The following ODAD3 variants were observed in gnomAD, a reference collection of about 807,000 sequenced individuals.
ODAD3 encodes outer dynein arm-docking complex subunit 3.
In ODAD3, 57 loss-of-function variants were observed where a neutral mutation model predicts 70.9. That is an observed-to-expected ratio of 0.80 (90% CI 0.65 to 1.00). ODAD3 has a LOEUF of 1.00. Ranked by LOEUF, ODAD3 falls within the 50% of genes least tolerant of loss-of-function variation. The probability of loss-of-function intolerance (pLI) is 0.00; values close to 1 mark genes in which losing one functional copy is unlikely to be tolerated. For missense variants in ODAD3, 797 were observed against 763.9 expected (o/e 1.04, Z -0.51); for synonymous variants, 327 against 315.9 (o/e 1.04, Z -0.37).
intron 7 of ODAD3, among the ~76,000 whole-genome samples, chr19:11,425,324 T>TAC: frequency 7.1e-6 from 1 of 140,374 alleles, no homozygotes; most frequent in African/African-American, 2.8e-5. Context: ...TATGTGTATA[T>TAC]GTACATATGT....
chr19:11,425,013 GTA>G lies in ODAD3; in HGVS notation c.964-986_964-985del, dbSNP rs775462749. Among the ~76,000 whole-genome samples, 19 of 129,552 alleles carry G rather than the reference GTA, an allele frequency of 1.5e-4. 1 individual carries two copies. The highest frequency in any genetic ancestry group is 2.5e-4 in the Non-Finnish European group (16 of 64,274). The allele number at this position is 129,552 out of a possible 152,430, so 85.0% of individuals were successfully genotyped here. ...TACATATGTGTATATGTATATATGT[GTA>G]TATATACATATGTGCATATATACAT... On this transcript the variant is annotated intron_variant, in intron 7 of 12. Transcript: ENST00000356392.
intron 7 of ODAD3, among the ~76,000 whole-genome samples, chr19:11,425,399 A>G (rs775972077): frequency 6.0e-5 from 8 of 132,284 alleles, no homozygotes; most frequent in East Asian, 2.2e-4. Context: ...ATATGTGTAT[A>G]TGTATATATA....
In ODAD3 at chr19:11,422,424, T is replaced by A; in HGVS notation, c.1434+47A>T. On this transcript the variant is annotated intron_variant, in intron 10 of 12. Coordinates refer to ENST00000356392, the MANE Select transcript of ODAD3 (RefSeq NM_145045.5). This position sits in a 1 kb window ranked among gnomAD's most constrained non-coding sequence, Gnocchi z 4.6. ...GAACCCCGCTTCGTGGCTGCGCCTC[T>A]GCGGTCCCAGGAGGGCCTGTCGGGG... The A allele has an allele frequency of 1.3e-6, 2 of 1,485,678 alleles. No homozygotes were observed. The highest frequency in any genetic ancestry group is 2.7e-5 in the South Asian group (2 of 74,440). The allele number at this position is 1,485,678 out of a possible 1,614,324, so 92.0% of individuals were successfully genotyped here. A position where few individuals can be genotyped will look rare whatever the true frequency, so the allele number is the denominator to read the frequency against.
intron 3 of ODAD3, among the ~76,000 whole-genome samples, chr19:11,429,417 G>C (rs1397335756): frequency 1.3e-5 from 2 of 151,362 alleles, no homozygotes; most frequent in African/African-American, 4.9e-5. Context: ...TTTTATTTAT[G>C]TATTTATTTT....
chr19:11,423,247 G>C (rs931051316), intron 8 of ODAD3, among the ~76,000 whole-genome samples: 1 of 152,186 alleles, frequency 6.6e-6, no homozygotes, highest in African/African-American at 2.4e-5. Context: ...ATCTGGAAAG[G>C]GGCTGCGCCT....
intron 4 of ODAD3, 42 bp from the exon 5 acceptor site, chr19:11,426,826 AT>A: frequency 1.7e-5 from 28 of 1,613,016 alleles, no homozygotes; most frequent in Non-Finnish European, 2.3e-5. Flanking sequence ...TCCGCACTCA[AT>A]CCCTCCCACA....
At chr19:11,428,328 G>A (rs561876513) in intron 3 of ODAD3, among the ~76,000 whole-genome samples, 2 of 151,694 alleles carry the variant, frequency 1.3e-5, no homozygotes, top group Admixed American at 6.6e-5. Context: ...TGCAACCTCC[G>A]CCCCTTGAGC....
chr19:11,435,168 G>C, upstream of ODAD3: 1 of 1,432,814 alleles, frequency 7.0e-7, no homozygotes, highest in Non-Finnish European at 9.1e-7. Flanking sequence ...TCGGTTGCCA[G>C]GTAACCGCCT....
chr19:11,435,017 G>A lies in ODAD3; in HGVS notation c.-1C>T, dbSNP rs749390876. 3.1e-6 allele frequency: 5 copies of A among 1,609,362 alleles called. No homozygotes were observed. The Admixed American group carries it at 6.7e-5, about 21-fold the overall frequency. ...CCGCCCTGCACAGAGGAGATGTCAT[G>A]ATGGGGTTGGGGCTGAAGGCCCCTA... On this transcript the variant is annotated 5_prime_UTR_variant, in exon 1 of 13. Coordinates refer to ENST00000356392, the MANE Select transcript of ODAD3 (RefSeq NM_145045.5).
chr19:11,426,978 G>T lies in ODAD3; in HGVS notation c.507C>A (p.His169Gln). 6.2e-7 allele frequency: 1 copy of T among 1,607,138 alleles called. No individual in the cohort carries two copies. Residue 169 changes from histidine to glutamine, a missense_variant, in exon 4 of 13, where the codon CAC (histidine) becomes CAA (glutamine). His to Gln is a conservative substitution (Grantham distance 24). Transcript: ENST00000356392. ...EKVKQQNALR[H>Q]QVVLRQRRLE... ...GCCGCCTCTGCCGCAACACCACCTG[G>T]TGCCGCAGGGCGTTCTGCTGCTTCA...
Position 11,430,907 on chromosome 19 carries a change from G to C in ODAD3, c.358C>G (p.Leu120Val), listed in dbSNP as rs1295867583. ...ACCCCTTTGCCCCTTACCTTGAGCA[G>C]GTCCAGCAGCTTTAGTTCCAGTGCC... ...TKALELKLLD[L>V]LKGDEKVVQA... is the part of the protein sequence containing the mutation. Residue 120 changes from leucine to valine, a missense_variant, in exon 2 of 13, where the codon CTG becomes GTG. Physicochemically the swap from Leu to Val is conservative, Grantham distance 32. Transcript: ENST00000356392. The C allele has an allele frequency of 1.9e-6, 3 of 1,614,054 alleles. No individual in the cohort carries two copies. The highest frequency in any genetic ancestry group is 2.5e-6 in the Non-Finnish European group (3 of 1,180,022).
At chr19:11,425,151 GTATATATACATA>G (rs1568349056) in intron 7 of ODAD3, among the ~76,000 whole-genome samples, 1 of 125,994 alleles carries the variant, frequency 7.9e-6, no homozygotes, top group Non-Finnish European at 1.6e-5. Context: ...ATGTACATAT[GTATATATACATA>G]TGTGTATATG....
At chr19:11,433,304 GC>G (rs1969539591) in intron 1 of ODAD3, among the ~76,000 whole-genome samples, 1 of 152,132 alleles carries the variant, frequency 6.6e-6, no homozygotes, top group East Asian at 1.9e-4. Context: ...ATGCCACCAT[GC>G]CCGGCTAATT....
Position 11,422,003 on chromosome 19 carries a change from G to C in ODAD3, c.1435-171C>G, listed in dbSNP as rs187865557. ...CTTAGGTCAAGGCCACGTCTGTGAT[G>C]GGGGAGCCTCTGAACTCTAACTCTA... On this transcript the variant is annotated intron_variant, in intron 10 of 12. Transcript: ENST00000356392. This position sits in a 1 kb window ranked among gnomAD's most constrained non-coding sequence, Gnocchi z 4.6. Among the ~76,000 whole-genome samples, 2 of 152,110 alleles carry C rather than the reference G, an allele frequency of 1.3e-5. No individual in the cohort carries two copies. Among genetic ancestry groups the C allele is most frequent in the South Asian group, 2.1e-4 (1 of 4,824 alleles).
intron 3 of ODAD3, among the ~76,000 whole-genome samples, chr19:11,429,051 G>A (rs1428794825): frequency 6.6e-6 from 1 of 150,586 alleles, no homozygotes; most frequent in Non-Finnish European, 1.5e-5. Flanking sequence ...CTAATTTTTT[G>A]TATTTTTAGT....
intron 7 of ODAD3, among the ~76,000 whole-genome samples, chr19:11,424,947 G>GTATATGTACCTATGTGTATATATGTA (rs1969246878): frequency 1.7e-5 from 2 of 119,314 alleles, no homozygotes; most frequent in Non-Finnish European, 1.7e-5. Context: ...GTATATATGT[G>GTATATGTACCTATGTGTATATATGTA]TATATGTACA....
At chr19:11,426,425 C>G in intron 6 of ODAD3, 21 bp downstream of exon 6, 1 of 1,613,790 alleles carries the variant, frequency 6.2e-7, no homozygotes, top group Non-Finnish European at 8.5e-7. Flanking sequence ...GCAGGATGGC[C>G]GAGGGCAAGA....
chr19:11,426,903 C>T lies in ODAD3; in HGVS notation c.582G>A (p.Glu194=), dbSNP rs748338198. 5 of 1,609,396 alleles carry T rather than the reference C, an allele frequency of 3.1e-6. No individual in the cohort carries two copies. Among genetic ancestry groups the T allele is most frequent in the Non-Finnish European group, 4.2e-6 (5 of 1,177,778 alleles). ...QHSLRLLEMA[E]AQNRHTEVAK... ...CCACCTCCGTGTGTCTGTTTTGCGC[C>T]TCCGCCATCTCCAGAAGGCGCAGGC... The change falls in exon 4 of 13, where the codon GAG becomes GAA. Residue 194 remains glutamate, a synonymous_variant. Transcript: ENST00000356392.
Position 11,421,667 on chromosome 19 carries a change from TGCAGG to T in ODAD3, c.1590+5_1590+9del. ...GATCTCTGGAGCTCTGCCCCATGGC[TGCAGG>T]GCACCTCGCGGTTAGCGATGTGGCA... On this transcript the variant is annotated splice_donor_5th_base_variant and intron_variant, in intron 11 of 12. Coordinates refer to ENST00000356392, the MANE Select transcript of ODAD3 (RefSeq NM_145045.5). The T allele has an allele frequency of 6.2e-7, 1 of 1,610,268 alleles. No individual in the cohort carries two copies.
Sources: gnomAD v4.1 joint callset for allele counts (sites outside exome capture counted in the v4.1 genomes callset) on GRCh38, gnomAD v4.1.1 for gene constraint, Gnocchi (gnomAD v3.1) non-coding constraint, MANE v1.5 for transcripts, NCBI Gene and HGNC (gene_info 2026-07-23, HGNC 2026-07-21) for gene names.